Variants in TDRP observed in about 807,000 individuals in gnomAD.
TDRP encodes the protein testis development related protein.
TDRP carries 12 observed loss-of-function variants against 10.5 expected under a neutral mutation model. The observed-to-expected ratio is 1.15, with a 90% confidence interval of 0.73 to 1.86. The LOEUF (loss-of-function observed/expected upper bound fraction) is 1.86, where lower values mean the gene tolerates loss of function less well. Among genes scored for constraint, TDRP ranks in the 40% most tolerant of loss-of-function variants. TDRP has a pLI of 0.00. For synonymous variants in TDRP, 139 were observed against 95.4 expected (o/e 1.46, Z -2.67); for missense variants, 353 against 229.2 (o/e 1.54, Z -3.49).
chr8:505,939 C>A (rs775426577), intron 1 of TDRP, among the ~76,000 whole-genome samples: 1 of 152,140 alleles, frequency 6.6e-6, no homozygotes, highest in Non-Finnish European at 1.5e-5. Flanking sequence ...CCAGTGCCAG[C>A]CAGGACAGGG....
intron 2 of TDRP, among the ~76,000 whole-genome samples, chr8:493,786 T>C (rs1801049002): frequency 6.6e-6 from 1 of 152,144 alleles, no homozygotes; most frequent in African/African-American, 2.4e-5. Context: ...GTTGTTTTTG[T>C]TTTGTTTTGG....
In TDRP at chr8:526,840, T is replaced by C. The variant is rs754940814; in HGVS notation, c.108+17810A>G. On this transcript the variant is annotated intron_variant, in intron 1 of 2. Coordinates refer to ENST00000324079, the MANE Select transcript of TDRP (RefSeq NM_001384899.1). ...TTACCACTGTTATTCAACGTAGTAC[T>C]GGAAGTCCTAGCTAGAGCAATCAGA... is the stretch of plus-strand genomic sequence containing the variant. Among the ~76,000 whole-genome samples, 63 of 152,308 alleles carry C rather than the reference T, an allele frequency of 4.1e-4. 1 individual carries two copies. The highest frequency in any genetic ancestry group is 1.0e-3 in the South Asian group (5 of 4,820).
chr8:530,415 A>G (rs1027540207), intron 1 of TDRP, among the ~76,000 whole-genome samples: 1 of 151,936 alleles, frequency 6.6e-6, no homozygotes, highest in Admixed American at 6.6e-5. Context: ...GTTTCTTCAT[A>G]TGTCTCATTA....
chr8:543,435 T>C (rs1363794380), intron 1 of TDRP, among the ~76,000 whole-genome samples: 2 of 152,176 alleles, frequency 1.3e-5, no homozygotes, highest in Admixed American at 6.5e-5. Flanking sequence ...ATAATATGGC[T>C]CATCTTTGAC....
chr8:504,391 T>G (rs746564248), intron 1 of TDRP, among the ~76,000 whole-genome samples: 2 of 152,084 alleles, frequency 1.3e-5, no homozygotes, highest in Non-Finnish European at 2.9e-5. Flanking sequence ...AATAAAGCAT[T>G]CACTTCAAGA....
At chr8:521,449 G>A (rs1335477520) in intron 1 of TDRP, among the ~76,000 whole-genome samples, 1 of 151,864 alleles carries the variant, frequency 6.6e-6, no homozygotes, top group Non-Finnish European at 1.5e-5. Context: ...TTCATTTTTT[G>A]CATGTGAATA....
At chr8:531,214 G>C (rs1011225812) in intron 1 of TDRP, among the ~76,000 whole-genome samples, 2 of 152,040 alleles carry the variant, frequency 1.3e-5, no homozygotes, top group East Asian at 3.9e-4. Context: ...TCTTGGCTTT[G>C]AGCTTGCCTG....
intron 2 of TDRP, among the ~76,000 whole-genome samples, chr8:492,954 A>G (rs2116706816): frequency 6.6e-6 from 1 of 152,342 alleles, no homozygotes; most frequent in Admixed American, 6.5e-5. Context: ...ATTTTAGGAC[A>G]CCACTTGGCA....
intron 1 of TDRP, among the ~76,000 whole-genome samples, chr8:504,368 C>G (rs1801395849): frequency 6.6e-6 from 1 of 152,094 alleles, no homozygotes; most frequent in African/African-American, 2.4e-5. Context: ...GAGTTTTAAC[C>G]TGGGGGTGCA....
chr8:522,955 CT>C (rs1453561563), intron 1 of TDRP, among the ~76,000 whole-genome samples: 1 of 152,070 alleles, frequency 6.6e-6, no homozygotes, highest in Non-Finnish European at 1.5e-5. Flanking sequence ...GTGATTGGAT[CT>C]TTTTTTAATC....
chr8:542,604 C>T (rs908752148), intron 1 of TDRP, among the ~76,000 whole-genome samples: 1 of 152,136 alleles, frequency 6.6e-6, no homozygotes, highest in Non-Finnish European at 1.5e-5. Flanking sequence ...GTGGCTCACG[C>T]CTGTAATCCC....
chr8:491,424 G>C lies in TDRP; in HGVS notation c.*975C>G, dbSNP rs1013809955. On this transcript the variant is annotated 3_prime_UTR_variant, in exon 3 of 3. Transcript: ENST00000324079. The stretch of plus-strand genomic sequence containing the variant: ...ATCACATTGTCAAGGACAGTAAGCA[G>C]ACAGAAAAAGAACGCGAGAGATGCT... 6 of 507,524 alleles carry C rather than the reference G, an allele frequency of 1.2e-5. No individual in the cohort carries two copies. In the South Asian group the frequency reaches 1.3e-4, roughly 11 times the overall value. 31.4% of individuals were successfully genotyped at this position (507,524 alleles called of 1,614,324 possible).
In TDRP at chr8:544,775, C is replaced by T; in HGVS notation, c.-18G>A. On this transcript the variant is annotated 5_prime_UTR_variant, in exon 1 of 3. Transcript: ENST00000324079. ...TTCCACATGGTCAGGCGGGCTCCGG[C>T]GTCCCTCCGTCCGTGCGTCGGGCTG... 1 of 1,228,584 alleles carries T rather than the reference C, an allele frequency of 8.1e-7. No homozygotes were observed. The highest frequency in any genetic ancestry group is 1.0e-6 in the Non-Finnish European group (1 of 983,502). The allele number at this position is 1,228,584 out of a possible 1,614,324, so 76.1% of individuals were successfully genotyped here.
rs891858456 is a variant in TDRP, at chr8:515,524, G to A, written c.109-20927C>T. ...AAATGCTCCAATGGGCATTTTTGTC[G>A]ATCATCATGTCAGCATTCAAAAAGT... On this transcript the variant is annotated intron_variant, in intron 1 of 2. Coordinates refer to ENST00000324079, the MANE Select transcript of TDRP (RefSeq NM_001384899.1). Among the ~76,000 whole-genome samples, 58 of 152,206 alleles carry A rather than the reference G, an allele frequency of 3.8e-4. 1 individual carries two copies. Among genetic ancestry groups the A allele is most frequent in the Admixed American group, 3.3e-4 (5 of 15,286 alleles).
Position 543,858 on chromosome 8 carries a change from A to T in TDRP, c.108+792T>A, listed in dbSNP as rs1462290919. Among the ~76,000 whole-genome samples, 3 of 146,128 alleles carry T rather than the reference A, an allele frequency of 2.1e-5. No homozygotes were observed. The Admixed American group carries it at 2.1e-4, about 10-fold the overall frequency. On this transcript the variant is annotated intron_variant, in intron 1 of 2. Transcript: ENST00000324079. ...GTTTAACAGAAAGAGATATTTTATG[A>T]TCCAGAATGCTGGATTTCTGACCTA...
Position 493,993 on chromosome 8 carries a change from G to GTTTTTT in TDRP, c.212+495_212+500dup, listed in dbSNP as rs68057437. 5.7e-3 allele frequency among the ~76,000 whole-genome samples: 610 copies of GTTTTTT among 106,456 alleles called. 14 individuals carry two copies. Among genetic ancestry groups the GTTTTTT allele is most frequent in the Non-Finnish European group, 7.3e-3 (390 of 53,730 alleles). 69.8% of individuals were successfully genotyped at this position (106,456 alleles called of 152,430 possible). On this transcript the variant is annotated intron_variant, in intron 2 of 2. Transcript: ENST00000324079. ...TCGAACACCACAACTCATTTCTGTT[G>GTTTTTT]TTTTTTTTTTTTTTTTTTTTGAGAC...
Position 493,990 on chromosome 8 carries a change from G to GTTT in TDRP, c.212+503_212+504insAAA, listed in dbSNP as rs1303603080. Among the ~76,000 whole-genome samples the GTTT allele has an allele frequency of 2.1e-3, 164 of 79,950 alleles. 1 individual carries two copies. Among genetic ancestry groups the GTTT allele is most frequent in the African/African-American group, 4.2e-3 (77 of 18,494 alleles). The allele number at this position is 79,950 out of a possible 152,430, so 52.5% of individuals were successfully genotyped here. A position where few individuals can be genotyped will look rare whatever the true frequency, so the allele number is the denominator to read the frequency against. Reference sequence around the variant, plus strand: ...TCATCGAACACCACAACTCATTTCTGTTGTTTTTTTTTTTTTTTTTTTTGA... The same window carrying GTTT: ...TCATCGAACACCACAACTCATTTCTGTTTTTGTTTTTTTTTTTTTTTTTTTTGA... On this transcript the variant is annotated intron_variant, in intron 2 of 2. Coordinates refer to ENST00000324079, the MANE Select transcript of TDRP (RefSeq NM_001384899.1).
intron 1 of TDRP, among the ~76,000 whole-genome samples, chr8:513,692 A>G (rs1050375449): frequency 1.1e-4 from 16 of 152,220 alleles, no homozygotes; most frequent in Admixed American, 1.3e-4. Context: ...ACAGAAAGGA[A>G]ACAAAATGAA....
At chr8:533,749 T>A (rs1444951215) in intron 1 of TDRP, among the ~76,000 whole-genome samples, 2 of 152,068 alleles carry the variant, frequency 1.3e-5, no homozygotes, top group African/African-American at 4.8e-5. Context: ...TCATTTTCTA[T>A]CCCCCTCCCC....
Sources: gnomAD v4.1 joint callset for allele counts (sites outside exome capture counted in the v4.1 genomes callset) on GRCh38, gnomAD v4.1.1 for gene constraint, MANE v1.5 for transcripts, NCBI Gene and HGNC (gene_info 2026-07-23, HGNC 2026-07-21) for gene names.